DOCK11: variants seen among roughly 807,000 people sequenced by gnomAD.
The protein encoded by DOCK11 is dedicator of cytokinesis 11.
A neutral mutation model predicts 169.1 loss-of-function variants in DOCK11; 70 were observed. The observed-to-expected ratio is 0.41, with a 90% CI of 0.34 to 0.51. DOCK11 has a LOEUF of 0.51. Ranked by LOEUF, DOCK11 falls within the 20% of genes least tolerant of loss-of-function variation. The pLI, the probability that DOCK11 is intolerant of heterozygous loss-of-function variation, is 0.10. For missense variants in DOCK11, 1,166 were observed against 1,538.8 expected, an observed-to-expected ratio of 0.76 and a Z score of 4.05; for synonymous variants, 529 against 541.3, an observed-to-expected ratio of 0.98 and a Z score of 0.32.
chrX:118,657,648 C>G (rs1351963643), intron 44 of DOCK11, among the ~76,000 whole-genome samples: 1 of 111,941 alleles, frequency 8.9e-6, no homozygotes, highest in Non-Finnish European at 1.9e-5. Flanking sequence ...GCTGATTCAA[C>G]TATGCTAGCT....
At chrX:118,565,901 C>T (rs895371926) in intron 7 of DOCK11, 104 bp from the exon 8 acceptor site, 56 of 772,247 alleles carry the variant, frequency 7.3e-5, no homozygotes, top group Middle Eastern at 3.1e-4. Flanking sequence ...AAAGTCTTGA[C>T]GCACATATGC....
intron 1 of DOCK11, among the ~76,000 whole-genome samples, chrX:118,540,395 A>T (rs1030188203): frequency 9.0e-6 from 1 of 111,556 alleles, no homozygotes; most frequent in African/African-American, 3.3e-5. Flanking sequence ...GAGTCCATGG[A>T]AACACGGTAG....
At chrX:118,576,102 A>G (rs865986276) in intron 12 of DOCK11, among the ~76,000 whole-genome samples, 11 of 112,324 alleles carry the variant, frequency 9.8e-5, no homozygotes, top group Middle Eastern at 9.2e-3. Flanking sequence ...TAGGATTTGA[A>G]TTTAGGTCTG....
At chrX:118,558,260 A>C (rs2012787858) in intron 6 of DOCK11, among the ~76,000 whole-genome samples, 1 of 110,156 alleles carries the variant, frequency 9.1e-6, no homozygotes, top group Non-Finnish European at 1.9e-5. Flanking sequence ...GGCATGAACC[A>C]CCGCTCCTGG....
At chrX:118,564,943 A>AT (rs1404480354) in intron 7 of DOCK11, among the ~76,000 whole-genome samples, 42 of 105,846 alleles carry the variant, frequency 4.0e-4, no homozygotes, top group African/African-American at 1.1e-3. Flanking sequence ...TTAATTTTTA[A>AT]TTTTTTTTTT....
intron 14 of DOCK11, among the ~76,000 whole-genome samples, chrX:118,583,627 G>T (rs747556398): frequency 9.1e-6 from 1 of 110,398 alleles, no homozygotes; most frequent in Non-Finnish European, 1.9e-5. Flanking sequence ...GAAGAGGAGG[G>T]GAAGGGAATA....
At chrX:118,499,816 A>G (rs1368944796) in intron 1 of DOCK11, among the ~76,000 whole-genome samples, 2 of 111,496 alleles carry the variant, frequency 1.8e-5, no homozygotes, top group Admixed American at 1.9e-4. Flanking sequence ...GCACCTAAAC[A>G]TAAAATAGTC....
intron 1 of DOCK11, among the ~76,000 whole-genome samples, chrX:118,530,549 C>A (rs769874423): frequency 8.9e-6 from 1 of 112,387 alleles, no homozygotes; most frequent in East Asian, 2.8e-4. Context: ...GTTCTGTACA[C>A]CCCAGAATCA....
At chrX:118,627,340 T>A (rs113682889) in intron 32 of DOCK11, among the ~76,000 whole-genome samples, 164 bp from the exon 33 acceptor site, 1 of 111,668 alleles carries the variant, frequency 9.0e-6, no homozygotes, top group Non-Finnish European at 1.9e-5. Flanking sequence ...AGTAGCTTTT[T>A]TTTTTTAAAA....
chrX:118,675,679 C>A (rs1177350534), intron 46 of DOCK11, among the ~76,000 whole-genome samples: 2 of 109,189 alleles, frequency 1.8e-5, no homozygotes, highest in Non-Finnish European at 3.8e-5. Context: ...ATATTCTGCA[C>A]ATGTATCCCC....
chrX:118,503,654 G>C (rs1193166059), intron 1 of DOCK11, among the ~76,000 whole-genome samples: 3 of 111,487 alleles, frequency 2.7e-5, no homozygotes, highest in African/African-American at 9.8e-5. Flanking sequence ...TGGTGGCTGA[G>C]CATATAAGGT....
intron 40 of DOCK11, among the ~76,000 whole-genome samples, chrX:118,647,060 CTT>C (rs1377191327): frequency 9.1e-6 from 1 of 109,687 alleles, no homozygotes; most frequent in African/African-American, 3.3e-5. Flanking sequence ...CCACTTGTCT[CTT>C]TTGATAATTA....
At chrX:118,651,587 A>G (rs2015948042) in intron 41 of DOCK11, among the ~76,000 whole-genome samples, 3 of 112,451 alleles carry the variant, frequency 2.7e-5, no homozygotes, top group Non-Finnish European at 5.6e-5. Context: ...ATGAGAAATC[A>G]TCAAAGAAAA....
chrX:118,606,693 G>A (rs755134457), intron 24 of DOCK11, among the ~76,000 whole-genome samples: 8 of 111,805 alleles, frequency 7.2e-5, no homozygotes, highest in Non-Finnish European at 1.5e-4. Flanking sequence ...TGCGGGCATC[G>A]CTGCTGTTGG....
chrX:118,596,602 C>G (rs114415759), intron 20 of DOCK11, among the ~76,000 whole-genome samples: 162 of 112,092 alleles, frequency 1.4e-3, no homozygotes, highest in African/African-American at 5.0e-3. Flanking sequence ...GTTATAAACA[C>G]TTGAATCCCA....
rs758680598 is a variant in DOCK11, at chrX:118,657,669, C to T, written c.4969+2708C>T. On this transcript the variant is annotated intron_variant, in intron 44 of 52. Transcript: ENST00000276202. The stretch of plus-strand genomic sequence containing the variant: ...TCAACTATGCTAGCTATACCGAGGT[C>T]GACTACCAATTTAAAACACAAGTTA... 3.8e-4 allele frequency among the ~76,000 whole-genome samples: 42 copies of T among 111,535 alleles called. 1 individual carries two copies. Among genetic ancestry groups the T allele is most frequent in the Admixed American group, 3.8e-4 (4 of 10,433 alleles).
chrX:118,535,476 G>A (rs991121639), intron 1 of DOCK11, among the ~76,000 whole-genome samples: 1 of 111,960 alleles, frequency 8.9e-6, no homozygotes, highest in African/African-American at 3.2e-5. Context: ...TGACCGAACC[G>A]GTGTTTTTGA....
rs780390711 is a variant in DOCK11 at position 118,658,993 on chromosome X, G to A, written c.4970-3693G>A. On this transcript the variant is annotated intron_variant, in intron 44 of 52. Transcript: ENST00000276202. ...ATCTGGTTTTTTTCATTCCTTACAG[G>A]GTAATGTTGCTCTCTTTCCCAAGAC... Among the ~76,000 whole-genome samples the A allele has an allele frequency of 1.5e-3, 167 of 111,508 alleles. 1 individual carries two copies. The highest frequency in any genetic ancestry group is 2.8e-3 in the Admixed American group (29 of 10,499).
At position 118,597,942 on chromosome X, in the gene DOCK11, C is replaced by A. The variant is rs1043833780; in HGVS notation, c.2386-88C>A. ...TGGTATGAAATTAATACATTCATTT[C>A]TGAAAAAAATGTTTAAATGCATAAA... On this transcript the variant is annotated intron_variant, in intron 21 of 52. Transcript: ENST00000276202. The A allele has an allele frequency of 7.2e-6, 5 of 699,040 alleles. No homozygotes were observed. The African/African-American group carries it at 1.1e-4, about 15-fold the overall frequency. The allele number at this position is 699,040 out of a possible 1,213,427, so 57.6% of individuals were successfully genotyped here. A position where few individuals can be genotyped will look rare whatever the true frequency, so the allele number is the denominator to read the frequency against.
Sources: allele counts gnomAD v4.1 joint callset (sites outside exome capture counted in the v4.1 genomes callset), GRCh38; gene constraint gnomAD v4.1.1; transcripts MANE v1.5; gene names NCBI Gene and HGNC (gene_info 2026-07-23, HGNC 2026-07-21).